The following AAK1 variants were observed in gnomAD, a reference collection of about 807,000 sequenced individuals.
AAK1 encodes the protein AP2-associated protein kinase 1.
In AAK1, 37 loss-of-function variants were observed where a neutral mutation model predicts 116.0. The observed-to-expected ratio is 0.32, with a 90% confidence interval of 0.25 to 0.42. The LOEUF (loss-of-function observed/expected upper bound fraction) is 0.42, where lower values mean the gene tolerates loss of function less well. AAK1 is among the 10% of genes least tolerant of loss of function. The probability of loss-of-function intolerance (pLI) is 1.00; values close to 1 mark genes in which losing one functional copy is unlikely to be tolerated. For missense variants in AAK1, 919 were observed against 1,170.6 expected (o/e 0.79, Z 3.14); for synonymous variants, 458 against 439.9 (o/e 1.04, Z -0.51).
chr2:69,506,029 A>G (rs1486803761), intron 15 of AAK1, among the ~76,000 whole-genome samples: 1 of 152,126 alleles, frequency 6.6e-6, no homozygotes, highest in Non-Finnish European at 1.5e-5. Flanking sequence ...AGCTCTAATG[A>G]GTTTGATGAT....
chr2:69,502,938 A>T (rs992535897), intron 16 of AAK1, among the ~76,000 whole-genome samples: 2 of 152,234 alleles, frequency 1.3e-5, no homozygotes, highest in African/African-American at 4.8e-5. Context: ...AGGGGATATT[A>T]AATAAATGTT....
intron 2 of AAK1, among the ~76,000 whole-genome samples, chr2:69,602,726 A>T (rs2105198691): frequency 6.6e-6 from 1 of 152,354 alleles, no homozygotes; most frequent in Non-Finnish European, 1.5e-5. Flanking sequence ...AGTGACAAAC[A>T]GGATGAGCAA....
rs1263120726 is a variant in AAK1 at position 69,466,451 on chromosome 2, T to A, written c.*9418A>T. On this transcript the variant is annotated 3_prime_UTR_variant, in exon 22 of 22. Coordinates refer to ENST00000409085, the MANE Select transcript of AAK1 (RefSeq NM_014911.5). ...TGTTCTGAGTCTTTGTGCCAGGTACTCTGGAGGGGTCTGGATACAGCGGAA... is the reference window on the plus strand; with the variant it reads ...TGTTCTGAGTCTTTGTGCCAGGTACACTGGAGGGGTCTGGATACAGCGGAA... 3 of 1,289,032 alleles carry A rather than the reference T, an allele frequency of 2.3e-6. No homozygotes were observed. In the East Asian group the frequency reaches 1.7e-4, roughly 72 times the overall value. The allele number at this position is 1,289,032 out of a possible 1,614,324, so 79.8% of individuals were successfully genotyped here.
chr2:69,489,787 C>T (rs1275818488), intron 17 of AAK1, among the ~76,000 whole-genome samples: 1 of 152,156 alleles, frequency 6.6e-6, no homozygotes, highest in East Asian at 1.9e-4. Context: ...CATTGAGAAA[C>T]CATTTGTGAC....
At chr2:69,607,886 A>C (rs1231897017) in intron 2 of AAK1, among the ~76,000 whole-genome samples, 1 of 152,198 alleles carries the variant, frequency 6.6e-6, no homozygotes, top group Non-Finnish European at 1.5e-5. Flanking sequence ...GTTGGTCAAA[A>C]GAATTGTCTT....
intron 2 of AAK1, among the ~76,000 whole-genome samples, chr2:69,626,540 C>A (rs1573021361): frequency 6.6e-6 from 1 of 151,024 alleles, no homozygotes; most frequent in East Asian, 1.9e-4. Context: ...CACTCTGTCT[C>A]CCAGCCTGGA....
chr2:69,622,310 TC>T lies in AAK1; in HGVS notation c.163+20567del, dbSNP rs771539162. Among the ~76,000 whole-genome samples the T allele has an allele frequency of 1.2e-3, 189 of 151,980 alleles. 2 individuals are homozygous for T. Among genetic ancestry groups the T allele is most frequent in the Non-Finnish European group, 1.3e-3 (89 of 67,916 alleles). On this transcript the variant is annotated intron_variant, in intron 2 of 21. Transcript: ENST00000409085. ...CCTGCAGCCCGCCATGCCTGAGCCTTCCCCCCTCCCCCGCCCGGCGGTGGGC... is the reference window on the plus strand; with the variant it reads ...CCTGCAGCCCGCCATGCCTGAGCCTTCCCCCTCCCCCGCCCGGCGGTGGGC...
At chr2:69,508,957 G>C (rs982931915) in intron 14 of AAK1, among the ~76,000 whole-genome samples, 2 of 152,220 alleles carry the variant, frequency 1.3e-5, no homozygotes, top group Non-Finnish European at 2.9e-5. Flanking sequence ...ACAGGTGAGA[G>C]AATGAGAACA....
At chr2:69,519,780 C>T (rs1669682183) in intron 11 of AAK1, among the ~76,000 whole-genome samples, 1 of 152,152 alleles carries the variant, frequency 6.6e-6, no homozygotes, top group African/African-American at 2.4e-5. Context: ...AATGCCAAAA[C>T]ATGAGGGGGT....
chr2:69,475,945 C>T lies in AAK1; in HGVS notation c.2810G>A (p.Ser937Asn). ...KNPQGGHSRN[S>N]SGSSESSLPN... ...AAGACTGGACTCAGAGCTCCCACTG[C>T]TGTTTCTAGAGTGCCCACCTGGAAG... The change falls in exon 22 of 22, where the codon AGC becomes AAC. Residue 937 changes from serine to asparagine, a missense_variant. Transcript: ENST00000409085. 2 of 1,612,152 alleles carry T rather than the reference C, an allele frequency of 1.2e-6. No individual in the cohort carries two copies. The highest frequency in any genetic ancestry group is 2.7e-5 in the African/African-American group (2 of 74,976).
intron 15 of AAK1, among the ~76,000 whole-genome samples, chr2:69,506,408 G>C (rs1676186831): frequency 6.6e-6 from 1 of 152,290 alleles, no homozygotes; most frequent in East Asian, 1.9e-4. Context: ...CTGTCACCCA[G>C]GCTAGAGTGC....
chr2:69,601,671 TA>T lies in AAK1; in HGVS notation c.163+41206del, dbSNP rs60252050. 4.9e-3 allele frequency among the ~76,000 whole-genome samples: 708 copies of T among 144,416 alleles called. 2 individuals carry two copies. The highest frequency in any genetic ancestry group is 0.01 in the East Asian group (51 of 5,066). The allele number at this position is 144,416 out of a possible 152,430, so 94.7% of individuals were successfully genotyped here. ...AACCCAAAGACCATAGGTAGTGAGT[TA>T]AAAAAAAAAAAAATTGGCTTATCTG... On this transcript the variant is annotated intron_variant, in intron 2 of 21. Transcript: ENST00000409085.
intron 17 of AAK1, among the ~76,000 whole-genome samples, chr2:69,488,934 G>C (rs953677423): frequency 6.6e-5 from 10 of 151,820 alleles, no homozygotes; most frequent in African/African-American, 2.2e-4. Context: ...GCTCACACTT[G>C]TAATCCCAGC....
intron 2 of AAK1, among the ~76,000 whole-genome samples, chr2:69,587,233 T>C (rs965776582): frequency 4.0e-5 from 6 of 151,432 alleles, no homozygotes; most frequent in African/African-American, 7.3e-5. Context: ...TACAGGGGCT[T>C]GCCACCATGC....
At chr2:69,498,120 C>T (rs925097108) in intron 16 of AAK1, among the ~76,000 whole-genome samples, 1 of 152,006 alleles carries the variant, frequency 6.6e-6, no homozygotes, top group African/African-American at 2.4e-5. Flanking sequence ...CCTTCTCAGC[C>T]TGAGTGGTGC....
chr2:69,622,832 T>C lies in AAK1; in HGVS notation c.163+20046A>G, dbSNP rs1674714786. Among the ~76,000 whole-genome samples the C allele has an allele frequency of 2.6e-5, 4 of 152,204 alleles. No homozygotes were observed. The South Asian group carries it at 8.3e-4, about 32-fold the overall frequency. Reference sequence around the variant, plus strand: ...GACACTCCGCATCTAGCTAATCTAGTGGGGACGTGGAGAACTTTTGTGTCT... The same window carrying C: ...GACACTCCGCATCTAGCTAATCTAGCGGGGACGTGGAGAACTTTTGTGTCT... On this transcript the variant is annotated intron_variant, in intron 2 of 21. Transcript: ENST00000409085.
chr2:69,466,590 A>G lies in AAK1; in HGVS notation c.*9279T>C, dbSNP rs1674492923. ...AAATGCAGAATTAATGTGTAGGTCA[A>G]TTCAACTCTATTTGGAACATTTAAT... On this transcript the variant is annotated 3_prime_UTR_variant, in exon 22 of 22. Transcript: ENST00000409085. The G allele has an allele frequency of 1.7e-6, 2 of 1,148,926 alleles. No homozygotes were observed. Among genetic ancestry groups the G allele is most frequent in the Non-Finnish European group, 2.2e-6 (2 of 919,724 alleles). 71.2% of individuals were successfully genotyped at this position (1,148,926 alleles called of 1,614,324 possible).
chr2:69,491,121 T>G (rs1279499005), intron 17 of AAK1, among the ~76,000 whole-genome samples: 2 of 151,988 alleles, frequency 1.3e-5, no homozygotes, highest in African/African-American at 4.8e-5. Flanking sequence ...AAAATTTTTT[T>G]TTTTTTAGAT....
Position 69,624,518 on chromosome 2 carries a change from T to C in AAK1, c.163+18360A>G, listed in dbSNP as rs181470759. 9.1e-3 allele frequency among the ~76,000 whole-genome samples: 1,380 copies of C among 152,340 alleles called. 13 individuals are homozygous for C. Among genetic ancestry groups the C allele is most frequent in the Non-Finnish European group, 0.013 (865 of 68,028 alleles). The stretch of plus-strand genomic sequence containing the variant: ...GAATATAATATCAAAATATTAACAA[T>C]GACAATCTATGGGACTATGGGTAAC... On this transcript the variant is annotated intron_variant, in intron 2 of 21. Coordinates refer to ENST00000409085, the MANE Select transcript of AAK1 (RefSeq NM_014911.5).
Sources: allele counts gnomAD v4.1 joint callset (sites outside exome capture counted in the v4.1 genomes callset), GRCh38; gene constraint gnomAD v4.1.1; transcripts MANE v1.5; gene names NCBI Gene and HGNC (gene_info 2026-07-23, HGNC 2026-07-21).